DLGAP1: variants seen among roughly 807,000 people sequenced by gnomAD.
DLGAP1 encodes DLG associated protein 1, also known as disks large-associated protein 1.
In DLGAP1, 11 loss-of-function variants were observed where a neutral mutation model predicts 90.8. The observed-to-expected ratio is 0.12, with a 90% confidence interval of 0.08 to 0.20. DLGAP1 has a LOEUF of 0.20. Ranked by LOEUF, DLGAP1 falls within the 10% of genes least tolerant of loss-of-function variation. DLGAP1 has a pLI of 1.00. For synonymous variants in DLGAP1, 558 were observed against 540.7 expected (o/e 1.03, Z -0.44); for missense variants, 1,050 against 1,333.8 (o/e 0.79, Z 3.31).
At chr18:4,210,916 G>A (rs1240051854) in intron 1 of DLGAP1, among the ~76,000 whole-genome samples, 2 of 152,136 alleles carry the variant, frequency 1.3e-5, no homozygotes, top group Non-Finnish European at 2.9e-5. Context: ...TGTGCAGGTC[G>A]GTGAGCTAGG....
intron 1 of DLGAP1, among the ~76,000 whole-genome samples, chr18:4,337,193 CTTT>C (rs201042095): frequency 8.8e-5 from 8 of 91,082 alleles, no homozygotes; most frequent in Non-Finnish European, 1.3e-4. Context: ...CAATAGTTGG[CTTT>C]TTTTTTTTTT....
chr18:4,379,633 C>A (rs745931890), intron 1 of DLGAP1, among the ~76,000 whole-genome samples: 2 of 152,100 alleles, frequency 1.3e-5, no homozygotes. Flanking sequence ...TGAAACAATG[C>A]CTTTGATAGA....
intron 2 of DLGAP1, among the ~76,000 whole-genome samples, chr18:4,102,364 T>C (rs1386588655): frequency 1.3e-5 from 2 of 152,210 alleles, no homozygotes; most frequent in Non-Finnish European, 2.9e-5. Context: ...ACTTTAGTCA[T>C]TTTATTACAA....
rs1021522793 is a variant in DLGAP1 at position 3,846,223 on chromosome 18, G to A, written c.958-31950C>T. On this transcript the variant is annotated intron_variant, in intron 4 of 12. Coordinates refer to ENST00000315677, the MANE Select transcript of DLGAP1 (RefSeq NM_004746.4). ...ACCACATCAGCAAGATCACTTTTAG[G>A]TTATCAATAGACAAGGACAATACAA... is the stretch of plus-strand genomic sequence containing the variant. Among the ~76,000 whole-genome samples, 7 of 152,228 alleles carry A rather than the reference G, an allele frequency of 4.6e-5. No homozygotes were observed. The South Asian group carries it at 1.5e-3, about 32-fold the overall frequency.
At chr18:3,880,962 A>G (rs1166033323) in intron 3 of DLGAP1, among the ~76,000 whole-genome samples, 76 of 150,616 alleles carry the variant, frequency 5.0e-4, no homozygotes, top group Admixed American at 7.3e-4. Flanking sequence ...AAAAAAAAAA[A>G]AAAAAGAAAA....
chr18:4,026,509 T>C (rs781167014), intron 2 of DLGAP1, among the ~76,000 whole-genome samples: 4 of 152,164 alleles, frequency 2.6e-5, no homozygotes, highest in Admixed American at 2.6e-4. Context: ...GGGTTGGATG[T>C]TACCAAAGGG....
intron 1 of DLGAP1, among the ~76,000 whole-genome samples, chr18:4,160,323 CTGTT>C (rs2076823788): frequency 1.3e-5 from 2 of 152,120 alleles, no homozygotes; most frequent in South Asian, 4.1e-4. Context: ...CTATTATAAT[CTGTT>C]TGTCCCTACT....
intron 3 of DLGAP1, among the ~76,000 whole-genome samples, chr18:3,968,346 T>C (rs1158567714): frequency 6.6e-6 from 1 of 152,226 alleles, no homozygotes; most frequent in Non-Finnish European, 1.5e-5. Flanking sequence ...ACTTTTTATT[T>C]TATGCAGTAA....
intron 2 of DLGAP1, among the ~76,000 whole-genome samples, chr18:4,023,739 G>A (rs185922354): frequency 6.6e-5 from 10 of 152,218 alleles, no homozygotes; most frequent in African/African-American, 1.9e-4. Context: ...TCAACAACAC[G>A]CTTTTCAAAT....
chr18:3,631,848 A>G (rs780237882), intron 7 of DLGAP1, among the ~76,000 whole-genome samples: 1 of 152,118 alleles, frequency 6.6e-6, no homozygotes, highest in Non-Finnish European at 1.5e-5. Flanking sequence ...AAATGGCGAG[A>G]TCATAGTTCA....
chr18:3,924,555 T>C lies in DLGAP1; in HGVS notation c.-72-44415A>G, dbSNP rs1439327865. On this transcript the variant is annotated intron_variant, in intron 3 of 12. Coordinates refer to ENST00000315677, the MANE Select transcript of DLGAP1 (RefSeq NM_004746.4). ...AAAAAGAAACCCTACAAAAAACCCT[T>C]GGAGGTGAACTTGTTCATTTCCTCC... is the stretch of plus-strand genomic sequence containing the variant. Among the ~76,000 whole-genome samples, 4 of 152,196 alleles carry C rather than the reference T, an allele frequency of 2.6e-5. No homozygotes were observed. In the East Asian group the frequency reaches 7.7e-4, roughly 29 times the overall value.
intron 5 of DLGAP1, among the ~76,000 whole-genome samples, chr18:3,801,181 C>T (rs2066270974): frequency 1.3e-5 from 2 of 152,146 alleles, no homozygotes; most frequent in Admixed American, 6.5e-5. Flanking sequence ...ATTAGGGATC[C>T]GCCCCCAAGA....
intron 1 of DLGAP1, among the ~76,000 whole-genome samples, chr18:4,305,743 G>A (rs1285786018): frequency 6.6e-6 from 1 of 151,928 alleles, no homozygotes; most frequent in African/African-American, 2.4e-5. Context: ...TTAGTAATTT[G>A]AGGTACCTGT....
At chr18:3,667,426 T>C (rs114265905) in intron 7 of DLGAP1, among the ~76,000 whole-genome samples, 105 of 152,260 alleles carry the variant, frequency 6.9e-4, no homozygotes, top group African/African-American at 2.4e-3. Context: ...ACTTACAAAA[T>C]GAGGCTGATA....
Position 3,653,243 on chromosome 18 carries a change from C to A in DLGAP1, c.1592-70995G>T, listed in dbSNP as rs1025685851. Among the ~76,000 whole-genome samples the A allele has an allele frequency of 2.6e-5, 4 of 152,092 alleles. No individual in the cohort carries two copies. Among genetic ancestry groups the A allele is most frequent in the African/African-American group, 9.7e-5 (4 of 41,394 alleles). On this transcript the variant is annotated intron_variant, in intron 7 of 12. Transcript: ENST00000315677. The surrounding 1 kb of genome is among the most constrained non-coding windows in gnomAD (Gnocchi z 4.6). ...GGTTTTTCCTTCCCTGCCATTGGTG[C>A]GACTGTTTCCCCCTTCCGTCAAATT...
At chr18:4,023,245 ATTTT>A (rs957573632) in intron 2 of DLGAP1, among the ~76,000 whole-genome samples, 1 of 151,764 alleles carries the variant, frequency 6.6e-6, no homozygotes, top group African/African-American at 2.4e-5. Context: ...GACATTGCTT[ATTTT>A]TTTTCTTTAG....
intron 8 of DLGAP1, among the ~76,000 whole-genome samples, chr18:3,577,156 T>G (rs377504697): frequency 1.3e-5 from 2 of 152,148 alleles, no homozygotes; most frequent in Non-Finnish European, 2.9e-5. Context: ...CCACCGTGCC[T>G]GGCCCTTCAG....
At chr18:3,663,078 C>T (rs139496837) in intron 7 of DLGAP1, among the ~76,000 whole-genome samples, 1 of 152,050 alleles carries the variant, frequency 6.6e-6, no homozygotes, top group Admixed American at 6.6e-5. Context: ...TCGAGATCAG[C>T]CTGACCAACA....
chr18:4,397,939 A>T (rs1009857727), intron 1 of DLGAP1, among the ~76,000 whole-genome samples: 1 of 152,158 alleles, frequency 6.6e-6, no homozygotes, highest in Non-Finnish European at 1.5e-5. Context: ...ATGTTATTCT[A>T]ATTTAGTGTG....
Sources: gnomAD v4.1 joint callset for allele counts (sites outside exome capture counted in the v4.1 genomes callset) on GRCh38, gnomAD v4.1.1 for gene constraint, Gnocchi (gnomAD v3.1) non-coding constraint, MANE v1.5 for transcripts, NCBI Gene and HGNC (gene_info 2026-07-23, HGNC 2026-07-21) for gene names.